Variants in PLEKHM3 observed in about 807,000 individuals in gnomAD.
The protein encoded by PLEKHM3 is pleckstrin homology domain containing M3, also known as pleckstrin homology domain-containing family M member 3.
A neutral mutation model predicts 81.8 loss-of-function variants in PLEKHM3; 45 were observed. That is an observed-to-expected ratio of 0.55 (90% CI 0.43 to 0.71). The LOEUF (loss-of-function observed/expected upper bound fraction) is 0.71. PLEKHM3 is among the 30% of genes least tolerant of loss of function. The probability of loss-of-function intolerance (pLI) is 0.00; values close to 1 mark genes in which losing one functional copy is unlikely to be tolerated. For synonymous variants in PLEKHM3, 352 were observed against 356.4 expected, an observed-to-expected ratio of 0.99 and a Z score of 0.14; for missense variants, 788 against 924.3, an observed-to-expected ratio of 0.85 and a Z score of 1.91.
chr2:207,995,517 C>T (rs897928000), intron 2 of PLEKHM3, among the ~76,000 whole-genome samples: 6 of 152,170 alleles, frequency 3.9e-5, no homozygotes, highest in Admixed American at 2.0e-4. Context: ...AGCCTGGACT[C>T]GGAGGAAGAC....
chr2:208,009,102 G>A (rs1341542399), intron 1 of PLEKHM3, among the ~76,000 whole-genome samples: 2 of 152,310 alleles, frequency 1.3e-5, no homozygotes, highest in East Asian at 1.9e-4. Flanking sequence ...GAAACCCTTC[G>A]ACGAAGCTCC....
At chr2:207,945,035 C>A (rs1165511889) in intron 4 of PLEKHM3, among the ~76,000 whole-genome samples, 1 of 152,228 alleles carries the variant, frequency 6.6e-6, no homozygotes, top group Non-Finnish European at 1.5e-5. Context: ...CCACTTCAAT[C>A]AGACCTTTGC....
chr2:207,860,488 G>A (rs1245837025), intron 7 of PLEKHM3, among the ~76,000 whole-genome samples: 1 of 151,270 alleles, frequency 6.6e-6, no homozygotes, highest in Non-Finnish European at 1.5e-5. Context: ...TTTCTATTAC[G>A]CTTTTGGGAT....
chr2:207,975,251 G>A (rs1036400342), intron 3 of PLEKHM3, among the ~76,000 whole-genome samples: 1 of 151,984 alleles, frequency 6.6e-6, no homozygotes, highest in Admixed American at 6.6e-5. Flanking sequence ...CCTCACTCTG[G>A]GTAATTTATT....
At chr2:208,020,591 C>G (rs1190913758) in intron 1 of PLEKHM3, among the ~76,000 whole-genome samples, 3 of 152,198 alleles carry the variant, frequency 2.0e-5, no homozygotes, top group South Asian at 4.1e-4. Flanking sequence ...TTATCACGCT[C>G]TCACTCAGCA....
At position 207,923,355 on chromosome 2, in the gene PLEKHM3, C is replaced by T. The variant is rs1451869374; in HGVS notation, c.1886+7571G>A. On this transcript the variant is annotated intron_variant, in intron 5 of 7. Transcript: ENST00000427836. Reference sequence around the variant, plus strand: ...AGGTGCGGTGGCTCATGCCTGTAATCCCAGTACTTTGGGAGGCGGAGGCAG... The same window carrying T: ...AGGTGCGGTGGCTCATGCCTGTAATTCCAGTACTTTGGGAGGCGGAGGCAG... 3.3e-5 allele frequency among the ~76,000 whole-genome samples: 5 copies of T among 152,218 alleles called. No individual in the cohort carries two copies. The South Asian group carries it at 6.2e-4, about 19-fold the overall frequency.
At chr2:207,911,602 G>C (rs1276431602) in intron 5 of PLEKHM3, among the ~76,000 whole-genome samples, 1 of 152,242 alleles carries the variant, frequency 6.6e-6, no homozygotes, top group East Asian at 1.9e-4. Flanking sequence ...AAAGGGAGCA[G>C]TGTATGATAA....
At chr2:207,929,439 T>A (rs1689512588) in intron 5 of PLEKHM3, among the ~76,000 whole-genome samples, 1 of 152,222 alleles carries the variant, frequency 6.6e-6, no homozygotes, top group Non-Finnish European at 1.5e-5. Flanking sequence ...GAGATTTTAA[T>A]ATTGTCTAGA....
chr2:207,838,815 C>T (rs2105886668), intron 7 of PLEKHM3, among the ~76,000 whole-genome samples: 1 of 152,238 alleles, frequency 6.6e-6, no homozygotes, highest in Non-Finnish European at 1.5e-5. Context: ...AACATTTCTA[C>T]CATTTCTGGG....
At chr2:208,023,150 CTT>C (rs550456484) in intron 1 of PLEKHM3, among the ~76,000 whole-genome samples, 2 of 143,938 alleles carry the variant, frequency 1.4e-5, no homozygotes, top group African/African-American at 2.6e-5. Flanking sequence ...CCATATTAAC[CTT>C]TTTTTTTTTT....
chr2:207,885,029 C>T (rs936464103), intron 6 of PLEKHM3, among the ~76,000 whole-genome samples: 5 of 152,180 alleles, frequency 3.3e-5, no homozygotes, highest in African/African-American at 4.8e-5. Flanking sequence ...TATGAAGATC[C>T]TTTAAGGCAC....
intron 4 of PLEKHM3, among the ~76,000 whole-genome samples, chr2:207,935,335 A>G (rs1689714954): frequency 6.6e-6 from 1 of 152,226 alleles, no homozygotes; most frequent in African/African-American, 2.4e-5. Context: ...GCAGCTGTTG[A>G]GTGCTGCACA....
intron 2 of PLEKHM3, among the ~76,000 whole-genome samples, chr2:207,981,336 C>A (rs991041152): frequency 6.6e-6 from 1 of 151,968 alleles, no homozygotes; most frequent in Admixed American, 6.6e-5. Context: ...ACAATTCTTT[C>A]TACTGGATCT....
chr2:207,977,661 CAGGGCACAAGAAACCACACA>C, intron 2 of PLEKHM3, 75 bp from the exon 3 acceptor site: 1 of 1,327,334 alleles, frequency 7.5e-7, no homozygotes, highest in Non-Finnish European at 1.0e-6. Flanking sequence ...CCACACAGAT[CAGGGCACAAGAAACCACACA>C]GATCAGGGAC....
chr2:207,827,169 C>T lies in PLEKHM3; in HGVS notation c.*1150G>A, dbSNP rs192537960. The T allele has an allele frequency of 7.3e-5, 11 of 151,520 alleles. No individual in the cohort carries two copies. Among genetic ancestry groups the T allele is most frequent in the Admixed American group, 4.6e-4 (7 of 15,240 alleles). 9.4% of individuals were successfully genotyped at this position (151,520 alleles called of 1,614,324 possible). A position where few individuals can be genotyped will look rare whatever the true frequency, so the allele number is the denominator to read the frequency against. On this transcript the variant is annotated 3_prime_UTR_variant, in exon 8 of 8. Transcript: ENST00000427836. ...GTAAGTTTGTATTTTCTTAATAGTC[C>T]AAAGTTGGTATTTTGAAGTTCCACA... is the stretch of plus-strand genomic sequence containing the variant.
chr2:207,940,233 T>C (rs188830548), intron 4 of PLEKHM3, among the ~76,000 whole-genome samples: 3 of 152,264 alleles, frequency 2.0e-5, no homozygotes, highest in East Asian at 1.9e-4. Context: ...ATAATGAAAA[T>C]AGTAACAGCT....
intron 6 of PLEKHM3, among the ~76,000 whole-genome samples, chr2:207,876,764 CAT>C (rs761134405): frequency 3.3e-5 from 5 of 152,230 alleles, no homozygotes; most frequent in Non-Finnish European, 7.3e-5. Flanking sequence ...AATTCACTCA[CAT>C]GTTTTAAATG....
chr2:207,828,504 A>C lies in PLEKHM3; in HGVS notation c.2109-8T>G, dbSNP rs763662607. On this transcript the variant is annotated splice_region_variant and splice_polypyrimidine_tract_variant and intron_variant, in intron 7 of 7. Coordinates refer to ENST00000427836, the MANE Select transcript of PLEKHM3 (RefSeq NM_001080475.3). ...GCTCCACAGCTTTCACACCTGCAAA[A>C]GTCAACCATGGATATGATGAGCAAG... The C allele has an allele frequency of 6.2e-7, 1 of 1,612,940 alleles. No individual in the cohort carries two copies. Among genetic ancestry groups the C allele is most frequent in the Non-Finnish European group, 8.5e-7 (1 of 1,179,388 alleles).
chr2:207,929,990 A>T (rs774427795), intron 5 of PLEKHM3: 19 of 677,994 alleles, frequency 2.8e-5, no homozygotes, highest in Admixed American at 1.1e-4. Context: ...TATGAACGCC[A>T]TCAACAATTA....
Sources: allele counts gnomAD v4.1 joint callset (sites outside exome capture counted in the v4.1 genomes callset), GRCh38; gene constraint gnomAD v4.1.1; transcripts MANE v1.5; gene names NCBI Gene and HGNC (gene_info 2026-07-23, HGNC 2026-07-21).